The following RINT1 variants were observed in gnomAD, a reference collection of about 807,000 sequenced individuals.
The protein encoded by RINT1 is RAD50-interacting protein 1.
RINT1 carries 75 observed loss-of-function variants against 97.7 expected under a neutral mutation model. The observed-to-expected ratio is 0.77, with a 90% CI of 0.64 to 0.93. RINT1 has a LOEUF of 0.93. Among genes scored for constraint, RINT1 ranks in the 40% least tolerant of loss-of-function variants. The pLI is 0.00. For synonymous variants in RINT1, 303 were observed against 326.3 expected, an observed-to-expected ratio of 0.93 and a Z score of 0.77; for missense variants, 892 against 925.2, an observed-to-expected ratio of 0.96 and a Z score of 0.47.
intron 2 of RINT1, among the ~76,000 whole-genome samples, chr7:105,535,282 T>C (rs1586213911): frequency 6.8e-6 from 1 of 147,640 alleles, no homozygotes; most frequent in South Asian, 2.1e-4. Flanking sequence ...CAGGCTGGAG[T>C]GCAGTGGCGT....
chr7:105,558,306 A>T (rs1706909), intron 11 of RINT1, among the ~76,000 whole-genome samples: 6,236 of 151,370 alleles, frequency 0.041, 178 homozygotes, highest in East Asian at 0.085. Context: ...AAAAAAAAAA[A>T]AAATAAAGTC....
intron 1 of RINT1, 106 bp from the exon 2 acceptor site, chr7:105,532,718 C>A (rs1790082701): frequency 2.5e-6 from 3 of 1,193,598 alleles, no homozygotes; most frequent in Non-Finnish European, 3.8e-6. Context: ...AGTGGGAGAG[C>A]GTCTGGAACC....
At chr7:105,567,072 T>C (rs535463889) in intron 14 of RINT1, 47 bp from the exon 15 acceptor site, 1 of 1,182,172 alleles carries the variant, frequency 8.5e-7, no homozygotes, top group Non-Finnish European at 1.2e-6. Context: ...ATATAATTGA[T>C]GCAGATAATG....
chr7:105,565,451 C>T lies in RINT1; in HGVS notation c.2061C>T (p.Tyr687=), dbSNP rs1371137905. The change falls in exon 13 of 15, where the codon TAC becomes TAT. Residue 687 remains tyrosine, a synonymous_variant. Transcript: ENST00000257700. The part of the protein sequence containing the change: ...MLVEKLDVYI[Y]QEIILANHFN... ...TAGAGAAGCTGGATGTATACATCTA[C>T]CAAGAAGTAAGTAAGAATAGACTGT... 1.9e-6 allele frequency: 3 copies of T among 1,613,596 alleles called. No individual in the cohort carries two copies. Among genetic ancestry groups the T allele is most frequent in the South Asian group, 2.2e-5 (2 of 91,074 alleles).
intron 4 of RINT1, 152 bp downstream of exon 4, chr7:105,542,801 T>A (rs1790514311): frequency 1.2e-6 from 1 of 849,552 alleles, no homozygotes; most frequent in African/African-American, 1.8e-5. Flanking sequence ...ATGATAATGA[T>A]TCTTTTCCTT....
chr7:105,558,991 G>A (rs1246435467), intron 11 of RINT1, among the ~76,000 whole-genome samples: 1 of 152,066 alleles, frequency 6.6e-6, no homozygotes. Context: ...CCTACCCTTA[G>A]AAAACGTATA....
At chr7:105,535,393 C>T (rs1489277581) in intron 2 of RINT1, among the ~76,000 whole-genome samples, 4 of 151,898 alleles carry the variant, frequency 2.6e-5, no homozygotes, top group Non-Finnish European at 5.9e-5. Flanking sequence ...CCATGCCCAG[C>T]TAATTTTTGT....
chr7:105,532,888 C>T lies in RINT1; in HGVS notation c.88+19C>T, dbSNP rs2133349046. The T allele has an allele frequency of 6.2e-7, 1 of 1,613,508 alleles. No individual in the cohort carries two copies. Among genetic ancestry groups the T allele is most frequent in the Non-Finnish European group, 8.5e-7 (1 of 1,179,400 alleles). ...GAGAAAAGTAAGCCAGCTCCAAACA[C>T]CTTAGCTTTTTCTTCCCGCCCAAAC... On this transcript the variant is annotated intron_variant, in intron 2 of 14. Coordinates refer to ENST00000257700, the MANE Select transcript of RINT1 (RefSeq NM_021930.6).
chr7:105,564,948 A>C (rs1791627968), intron 12 of RINT1, among the ~76,000 whole-genome samples: 1 of 152,184 alleles, frequency 6.6e-6, no homozygotes, highest in African/African-American at 2.4e-5. Flanking sequence ...TGGCCAACAG[A>C]GCGAGACTCT....
intron 1 of RINT1, 150 bp downstream of exon 1, chr7:105,532,507 C>T (rs955467462): frequency 5.6e-6 from 5 of 887,910 alleles, no homozygotes; most frequent in Non-Finnish European, 6.8e-6. Flanking sequence ...GTAAGACCTC[C>T]TAGAGGAGGC....
At position 105,565,274 on chromosome 7, in the gene RINT1, C is replaced by T. The variant is rs772098271; in HGVS notation, c.1887-3C>T. The T allele has an allele frequency of 7.7e-6, 12 of 1,557,440 alleles. No individual in the cohort carries two copies. Among genetic ancestry groups the T allele is most frequent in the Non-Finnish European group, 1.0e-5 (12 of 1,152,326 alleles). On this transcript the variant is annotated splice_polypyrimidine_tract_variant and splice_region_variant and intron_variant, in intron 12 of 14. Transcript: ENST00000257700. ...TTTTTTGGTAAAAATGTGTTTTTTCCAGATGGTTGTCCTTGCCATCTCAGT... is the reference window on the plus strand; with the variant it reads ...TTTTTTGGTAAAAATGTGTTTTTTCTAGATGGTTGTCCTTGCCATCTCAGT...
chr7:105,546,765 A>G lies in RINT1; in HGVS notation c.516-145A>G, dbSNP rs185831648. ...GGGGCGCATGCCTGTAATCCCAGCTACTGTGGAGGCTGAGGCGGGAGAATC... is the reference window on the plus strand; with the variant it reads ...GGGGCGCATGCCTGTAATCCCAGCTGCTGTGGAGGCTGAGGCGGGAGAATC... On this transcript the variant is annotated intron_variant, in intron 4 of 14. Coordinates refer to ENST00000257700, the MANE Select transcript of RINT1 (RefSeq NM_021930.6). 971 of 599,126 alleles carry G rather than the reference A, an allele frequency of 1.6e-3. 15 individuals carry two copies. In the South Asian group the frequency reaches 0.021, roughly 13 times the overall value. 37.1% of individuals were successfully genotyped at this position (599,126 alleles called of 1,614,324 possible).
rs188424597 is a variant in RINT1 at position 105,567,349 on chromosome 7, A to G, written c.*38A>G. 2.3e-5 allele frequency: 32 copies of G among 1,378,568 alleles called. No individual in the cohort carries two copies. In the East Asian group the frequency reaches 7.1e-4, roughly 31 times the overall value. The allele number at this position is 1,378,568 out of a possible 1,614,324, so 85.4% of individuals were successfully genotyped here. A position where few individuals can be genotyped will look rare whatever the true frequency, so the allele number is the denominator to read the frequency against. ...AAAGGTTTCTTTGGTTTTTGTTTCT[A>G]AGAAAGAGGAAGCCAATTGGATTTC... On this transcript the variant is annotated 3_prime_UTR_variant, in exon 15 of 15. Coordinates refer to ENST00000257700, the MANE Select transcript of RINT1 (RefSeq NM_021930.6).
chr7:105,541,033 T>G (rs937242928), intron 3 of RINT1, among the ~76,000 whole-genome samples: 1 of 151,604 alleles, frequency 6.6e-6, no homozygotes, highest in Non-Finnish European at 1.5e-5. Flanking sequence ...AGAGACAAGA[T>G]TTTGCCATCT....
chr7:105,546,198 C>T (rs117899276), intron 4 of RINT1, among the ~76,000 whole-genome samples: 3,015 of 152,284 alleles, frequency 0.02, 52 homozygotes, highest in Middle Eastern at 0.041. Context: ...TGAAGACCAT[C>T]ATACTTGACT....
chr7:105,565,484 C>CT (rs766277399), intron 13 of RINT1, 27 bp downstream of exon 13: 1 of 1,610,472 alleles, frequency 6.2e-7, no homozygotes, highest in Non-Finnish European at 8.5e-7. Flanking sequence ...TGTTTTTGGG[C>CT]TGTGATAATA....
In RINT1 at chr7:105,547,281, A is replaced by G; in HGVS notation, c.787A>G (p.Ile263Val). The G allele has an allele frequency of 6.2e-7, 1 of 1,614,172 alleles. No homozygotes were observed. The highest frequency in any genetic ancestry group is 8.5e-7 in the Non-Finnish European group (1 of 1,180,020). ...AAGTCGACCTGCCAGTGCCCCGGAG[A>G]TATACAGTTACCTGGAGACACTGTT... The part of the protein sequence containing the change: ...GLSRPASAPE[I>V]YSYLETLFCQ... The change falls in exon 6 of 15, where the codon ATA becomes GTA. Residue 263 changes from isoleucine to valine, a missense_variant. Coordinates refer to ENST00000257700, the MANE Select transcript of RINT1 (RefSeq NM_021930.6).
In RINT1 at chr7:105,567,482, C is replaced by A; in HGVS notation, c.*171C>A. ...AAATGCTGACCATATTTCCTTCATCCTCTTGTTCCTAAGGAAACAAAAACA... is the reference window on the plus strand; with the variant it reads ...AAATGCTGACCATATTTCCTTCATCATCTTGTTCCTAAGGAAACAAAAACA... On this transcript the variant is annotated 3_prime_UTR_variant, in exon 15 of 15. Transcript: ENST00000257700. The A allele has an allele frequency of 1.4e-6, 1 of 705,956 alleles. No homozygotes were observed. The highest frequency in any genetic ancestry group is 2.5e-6 in the Non-Finnish European group (1 of 392,414). 43.7% of individuals were successfully genotyped at this position (705,956 alleles called of 1,614,324 possible). A position where few individuals can be genotyped will look rare whatever the true frequency, so the allele number is the denominator to read the frequency against.
At chr7:105,540,468 G>A (rs1168658197) in intron 3 of RINT1, among the ~76,000 whole-genome samples, 2 of 152,074 alleles carry the variant, frequency 1.3e-5, no homozygotes, top group African/African-American at 4.8e-5. Flanking sequence ...CACCATGTTG[G>A]CAAGTGTGGT....
Sources: gnomAD v4.1 joint callset for allele counts (sites outside exome capture counted in the v4.1 genomes callset) on GRCh38, gnomAD v4.1.1 for gene constraint, MANE v1.5 for transcripts, NCBI Gene and HGNC (gene_info 2026-07-23, HGNC 2026-07-21) for gene names.